Variants in FNDC3A observed in about 807,000 individuals in gnomAD.
FNDC3A encodes fibronectin type III domain containing 3A.
A neutral mutation model predicts 148.9 loss-of-function variants in FNDC3A; 32 were observed. The ratio of observed to expected loss-of-function variants is 0.21; its 90% confidence interval spans 0.16 to 0.29. The LOEUF (loss-of-function observed/expected upper bound fraction) is 0.29. Among genes scored for constraint, FNDC3A ranks in the 10% least tolerant of loss-of-function variants. The pLI is 1.00. For missense variants in FNDC3A, 1,191 were observed against 1,452.8 expected (o/e 0.82, Z 2.93); for synonymous variants, 472 against 473.6 (o/e 1.00, Z 0.04).
At chr13:49,054,811 C>T (rs1370306877) in intron 2 of FNDC3A, among the ~76,000 whole-genome samples, 2 of 152,204 alleles carry the variant, frequency 1.3e-5, no homozygotes, top group Admixed American at 6.5e-5. Context: ...CTGAGCCCCT[C>T]GGAGGTCCTG....
chr13:49,129,932 T>TA (rs1299177268), intron 4 of FNDC3A, among the ~76,000 whole-genome samples: 1 of 152,196 alleles, frequency 6.6e-6, no homozygotes, highest in East Asian at 1.9e-4. Flanking sequence ...TTAAGCATAA[T>TA]AAACCTTTGC....
rs1050473444 is a variant in FNDC3A, at chr13:49,057,346, C to T, written c.100-17943C>T. On this transcript the variant is annotated intron_variant, in intron 2 of 25. Coordinates refer to ENST00000492622, the MANE Select transcript of FNDC3A (RefSeq NM_001079673.2). ...TTTACACAGAACATATTAATGTAAACTCACTGCTCACTTTGGACTACTGGC... is the reference window on the plus strand; with the variant it reads ...TTTACACAGAACATATTAATGTAAATTCACTGCTCACTTTGGACTACTGGC... 4.1e-4 allele frequency among the ~76,000 whole-genome samples: 62 copies of T among 152,172 alleles called. 1 individual carries two copies. The highest frequency in any genetic ancestry group is 2.9e-5 in the Non-Finnish European group (2 of 68,038).
chr13:49,187,086 G>T (rs764587822), intron 15 of FNDC3A, 36 bp from the exon 16 acceptor site: 1 of 1,465,492 alleles, frequency 6.8e-7, no homozygotes, highest in South Asian at 1.2e-5. Context: ...ATGTTGTTTT[G>T]TACCTTGCCT....
chr13:49,139,928 A>C (rs182751420), intron 7 of FNDC3A, among the ~76,000 whole-genome samples: 1 of 152,334 alleles, frequency 6.6e-6, no homozygotes, highest in African/African-American at 2.4e-5. Flanking sequence ...CAAGACCCCA[A>C]GTGTATATCA....
At chr13:49,005,098 A>T (rs547861814) in intron 1 of FNDC3A, among the ~76,000 whole-genome samples, 1 of 152,044 alleles carries the variant, frequency 6.6e-6, no homozygotes, top group Non-Finnish European at 1.5e-5. Flanking sequence ...TGTGGTATTA[A>T]CTATGAAATC....
At chr13:49,110,293 A>T in intron 3 of FNDC3A, 2 of 1,518,760 alleles carry the variant, frequency 1.3e-6, no homozygotes, top group East Asian at 4.7e-5. Flanking sequence ...TTCCTCTTAC[A>T]GCCTTGCAAA....
intron 2 of FNDC3A, among the ~76,000 whole-genome samples, chr13:49,011,440 G>A (rs1952342960): frequency 6.6e-6 from 1 of 152,038 alleles, no homozygotes; most frequent in East Asian, 1.9e-4. Context: ...TGCCATGTTG[G>A]CCAAGCTGAT....
At chr13:48,985,308 A>C (rs1251066964) in intron 1 of FNDC3A, among the ~76,000 whole-genome samples, 1 of 152,248 alleles carries the variant, frequency 6.6e-6, no homozygotes, top group Non-Finnish European at 1.5e-5. Flanking sequence ...AACCGAATAT[A>C]AATAGCTTCA....
At chr13:49,177,238 TCAC>T (rs1301416728) in intron 13 of FNDC3A, among the ~76,000 whole-genome samples, 1 of 152,176 alleles carries the variant, frequency 6.6e-6, no homozygotes, top group African/African-American at 2.4e-5. Context: ...GAGGGGAAGA[TCAC>T]CACAGCCTTC....
intron 2 of FNDC3A, among the ~76,000 whole-genome samples, chr13:49,016,005 C>T (rs1203580649): frequency 1.3e-5 from 2 of 151,846 alleles, no homozygotes; most frequent in Admixed American, 6.6e-5. Context: ...TTCGGTTTGC[C>T]AGTATTTTAT....
At chr13:49,091,739 G>A (rs893205404) in intron 3 of FNDC3A, among the ~76,000 whole-genome samples, 1 of 152,246 alleles carries the variant, frequency 6.6e-6, no homozygotes, top group African/African-American at 2.4e-5. Context: ...GGCTGGGGGA[G>A]AGAAGGCAGG....
rs538923185 is a variant in FNDC3A at position 48,996,222 on chromosome 13, T to C, written c.-39-9930T>C. 9.2e-5 allele frequency among the ~76,000 whole-genome samples: 14 copies of C among 152,280 alleles called. No homozygotes were observed. In the South Asian group the frequency reaches 2.7e-3, roughly 29 times the overall value. On this transcript the variant is annotated intron_variant, in intron 1 of 25. Transcript: ENST00000492622. ...TTGAGAAATAGAAACAGTTACATAA[T>C]CTCACCATCTTGATACAGTTGCTAC... is the stretch of plus-strand genomic sequence containing the variant.
chr13:49,046,835 T>C (rs1452432241), intron 2 of FNDC3A: 1 of 147,182 alleles, frequency 6.8e-6, no homozygotes, highest in Non-Finnish European at 1.5e-5. Flanking sequence ...GGAAAGTCTC[T>C]TTTTAAAAAG....
Position 49,136,437 on chromosome 13 carries a change from A to G in FNDC3A, c.596A>G (p.Asp199Gly), listed in dbSNP as rs1352442489. ...KLKDRQGTQKDKMSSPPSSPQ... is the reference protein window; with the variant it reads ...KLKDRQGTQKGKMSSPPSSPQ... ...AAGGATCGCCAAGGAACACAGAAAG[A>G]TAAAATGAGCAGTCCACCATCATCA... The change falls in exon 6 of 26, where the codon GAT (aspartate) becomes GGT (glycine). Residue 199 changes from aspartate to glycine, a missense_variant. By Grantham distance (94) the Asp-to-Gly change is moderately conservative. Transcript: ENST00000492622. 2 of 1,614,142 alleles carry G rather than the reference A, an allele frequency of 1.2e-6. No individual in the cohort carries two copies. The highest frequency in any genetic ancestry group is 1.3e-5 in the African/African-American group (1 of 75,036).
intron 2 of FNDC3A, among the ~76,000 whole-genome samples, chr13:49,050,459 C>T (rs1015108120): frequency 6.6e-6 from 1 of 152,062 alleles, no homozygotes; most frequent in African/African-American, 2.4e-5. Context: ...TTTGAGTATT[C>T]CTTTTGGAGT....
At chr13:49,115,440 C>T (rs191410084) in intron 4 of FNDC3A, among the ~76,000 whole-genome samples, 104 of 152,272 alleles carry the variant, frequency 6.8e-4, no homozygotes, top group African/African-American at 2.3e-3. Context: ...AGTTTTTCTT[C>T]AGGCCCTCTG....
rs550379492 is a variant in FNDC3A, at chr13:48,987,414, C to A, written c.-40+11237C>A. Among the ~76,000 whole-genome samples the A allele has an allele frequency of 4.6e-5, 7 of 152,262 alleles. No individual in the cohort carries two copies. The South Asian group carries it at 1.2e-3, about 27-fold the overall frequency. On this transcript the variant is annotated intron_variant, in intron 1 of 25. Coordinates refer to ENST00000492622, the MANE Select transcript of FNDC3A (RefSeq NM_001079673.2). ...TTTTGATCAAGATTTCCTTTGAAGT[C>A]TATTTTAACAGGATTTTCATGTTAG...
At chr13:49,111,865 T>A (rs1880600867) in intron 3 of FNDC3A, among the ~76,000 whole-genome samples, 1 of 152,158 alleles carries the variant, frequency 6.6e-6, no homozygotes, top group Non-Finnish European at 1.5e-5. Context: ...AGTAATATAT[T>A]TACTACTGGT....
chr13:49,113,019 T>C (rs1359106783), intron 3 of FNDC3A, among the ~76,000 whole-genome samples: 1 of 151,914 alleles, frequency 6.6e-6, no homozygotes, highest in African/African-American at 2.4e-5. Context: ...GTCTTATCCC[T>C]ACTTTCTCTT....
Sources: gnomAD v4.1 joint callset for allele counts (sites outside exome capture counted in the v4.1 genomes callset) on GRCh38, gnomAD v4.1.1 for gene constraint, MANE v1.5 for transcripts, NCBI Gene and HGNC (gene_info 2026-07-23, HGNC 2026-07-21) for gene names.